The following ARHGEF12 variants were observed in gnomAD, a reference collection of about 807,000 sequenced individuals.
ARHGEF12 encodes the protein Rho guanine nucleotide exchange factor 12.
Under a neutral mutation model 211.2 loss-of-function variants are expected in ARHGEF12, and 66 were observed. The observed-to-expected ratio is 0.31, with a 90% CI of 0.26 to 0.38. The LOEUF is 0.38. Among genes scored for constraint, ARHGEF12 ranks in the 10% least tolerant of loss-of-function variants. The pLI is 1.00. For missense variants in ARHGEF12, 1,429 were observed against 1,869.5 expected (o/e 0.76, Z 4.34); for synonymous variants, 592 against 638.4 (o/e 0.93, Z 1.09).
intron 33 of ARHGEF12, 133 bp from the exon 34 acceptor site, chr11:120,476,528 C>G (rs575066875): frequency 7.5e-5 from 37 of 496,082 alleles, no homozygotes; most frequent in African/African-American, 4.8e-4. Flanking sequence ...AAGTGTACAT[C>G]TTGATGAATT....
chr11:120,421,435 TTTTTTTG>T (rs1490740116), intron 5 of ARHGEF12, among the ~76,000 whole-genome samples: 3 of 101,594 alleles, frequency 3.0e-5, no homozygotes, highest in South Asian at 3.6e-4. Flanking sequence ...CCTTGTTTTT[TTTTTTTG>T]TTTTTTTTTT....
intron 12 of ARHGEF12, chr11:120,438,776 C>T (rs1022631651): frequency 6.6e-6 from 1 of 152,128 alleles, no homozygotes; most frequent in African/African-American, 2.4e-5. Context: ...TTTTTATTCC[C>T]CAATCCTATA....
At chr11:120,337,306 CCCGGAATCGGG>C (rs1942380186) in intron 1 of ARHGEF12, 31 bp downstream of exon 1, 1 of 1,613,562 alleles carries the variant, frequency 6.2e-7, no homozygotes, top group African/African-American at 1.3e-5. Flanking sequence ...CGTTCGGCCT[CCCGGAATCGGG>C]CCCGACCTAG....
At chr11:120,367,069 G>A (rs1943443890) in intron 1 of ARHGEF12, among the ~76,000 whole-genome samples, 1 of 152,034 alleles carries the variant, frequency 6.6e-6, no homozygotes, top group Non-Finnish European at 1.5e-5. Flanking sequence ...GAAGGGTTGA[G>A]TAGTTTTAAG....
intron 10 of ARHGEF12, among the ~76,000 whole-genome samples, chr11:120,430,091 A>G (rs1945480127): frequency 6.6e-6 from 1 of 152,038 alleles, no homozygotes; most frequent in African/African-American, 2.4e-5. Flanking sequence ...TTGATGTGAC[A>G]AACTACTAAA....
intron 1 of ARHGEF12, among the ~76,000 whole-genome samples, chr11:120,401,582 C>T (rs767954172): frequency 6.6e-6 from 1 of 152,196 alleles, no homozygotes; most frequent in Non-Finnish European, 1.5e-5. Context: ...ATGCCTTAAT[C>T]ACCTTTGATA....
chr11:120,337,297 G>A, intron 1 of ARHGEF12, 22 bp downstream of exon 1: 1 of 1,609,882 alleles, frequency 6.2e-7, no homozygotes, highest in Non-Finnish European at 8.5e-7. Context: ...TTCCTCCTTC[G>A]TTCGGCCTCC....
chr11:120,386,148 A>T (rs750857893), intron 1 of ARHGEF12, among the ~76,000 whole-genome samples: 28 of 152,174 alleles, frequency 1.8e-4, no homozygotes, highest in Non-Finnish European at 3.7e-4. Context: ...AATGTTGATT[A>T]TAAATTTGAA....
chr11:120,340,670 C>T (rs1292824323), intron 1 of ARHGEF12, among the ~76,000 whole-genome samples: 1 of 152,056 alleles, frequency 6.6e-6, no homozygotes, highest in Non-Finnish European at 1.5e-5. Context: ...CATCTCTCGG[C>T]AAGGTGAAAT....
At position 120,337,719 on chromosome 11, in the gene ARHGEF12, C is replaced by A. The variant is rs189964834; in HGVS notation, c.32+444C>A. On this transcript the variant is annotated intron_variant, in intron 1 of 40. Transcript: ENST00000397843. ...TTCTACCTGTGAACTTAATGTTGAG[C>A]CTACTGCATGGTGATCTGGGAACTT... The A allele has an allele frequency of 9.6e-5, 95 of 985,382 alleles. 1 individual carries two copies. The highest frequency in any genetic ancestry group is 1.2e-4 in the Admixed American group (2 of 16,284). 61.0% of individuals were successfully genotyped at this position (985,382 alleles called of 1,614,324 possible).
At chr11:120,441,970 C>T in intron 14 of ARHGEF12, 134 bp from the exon 15 acceptor site, 1 of 881,644 alleles carries the variant, frequency 1.1e-6, no homozygotes, top group Admixed American at 2.6e-5. Context: ...TTTTTAAAGA[C>T]TTGGTTATAT....
At chr11:120,351,043 A>G (rs1478109207) in intron 1 of ARHGEF12, among the ~76,000 whole-genome samples, 1 of 152,046 alleles carries the variant, frequency 6.6e-6, no homozygotes, top group East Asian at 1.9e-4. Flanking sequence ...GGTGACAAAG[A>G]GCATTTTTAA....
At chr11:120,475,898 C>G (rs1947014392) in intron 33 of ARHGEF12, 2 of 158,466 alleles carry the variant, frequency 1.3e-5, no homozygotes, top group African/African-American at 4.8e-5. Flanking sequence ...TATATTTTAA[C>G]TCTATTAACA....
At chr11:120,482,010 C>G (rs867407957) in intron 39 of ARHGEF12, among the ~76,000 whole-genome samples, 1 of 152,114 alleles carries the variant, frequency 6.6e-6, no homozygotes, top group Admixed American at 6.5e-5. Context: ...CCGCCTGCCT[C>G]GGCCTCCCAA....
rs751672880 is a variant in ARHGEF12, at chr11:120,445,391, T to C, written c.1303-31T>C. 24 of 1,612,584 alleles carry C rather than the reference T, an allele frequency of 1.5e-5. No individual in the cohort carries two copies. The South Asian group carries it at 2.3e-4, about 15-fold the overall frequency. On this transcript the variant is annotated intron_variant, in intron 15 of 40. Coordinates refer to ENST00000397843, the MANE Select transcript of ARHGEF12 (RefSeq NM_015313.3). ...GTACATCTTCAAATATCTTTAGCGT[T>C]GTTACACCTTTTGTTTGCATTTCAT...
At chr11:120,442,326 C>T in intron 15 of ARHGEF12, 124 bp downstream of exon 15, 1 of 569,898 alleles carries the variant, frequency 1.8e-6, no homozygotes, top group Non-Finnish European at 2.8e-6. Flanking sequence ...TATTATATTT[C>T]AATTATTGAT....
intron 27 of ARHGEF12, among the ~76,000 whole-genome samples, chr11:120,462,300 C>T (rs1013088087): frequency 6.6e-6 from 1 of 152,028 alleles, no homozygotes; most frequent in East Asian, 1.9e-4. Flanking sequence ...GTTGGTGGGG[C>T]GGTCAGAACA....
At chr11:120,469,989 G>A (rs1487627485) in intron 30 of ARHGEF12, among the ~76,000 whole-genome samples, 2 of 152,118 alleles carry the variant, frequency 1.3e-5, no homozygotes, top group African/African-American at 2.4e-5. Flanking sequence ...AAGTCCTGAC[G>A]GAAAAAGAAA....
At chr11:120,355,873 G>C (rs1166717599) in intron 1 of ARHGEF12, among the ~76,000 whole-genome samples, 1 of 152,006 alleles carries the variant, frequency 6.6e-6, no homozygotes, top group African/African-American at 2.4e-5. Flanking sequence ...TGTGTTACAG[G>C]GAATATCCAG....
Sources: gnomAD v4.1 joint callset for allele counts (sites outside exome capture counted in the v4.1 genomes callset) on GRCh38, gnomAD v4.1.1 for gene constraint, MANE v1.5 for transcripts, NCBI Gene and HGNC (gene_info 2026-07-23, HGNC 2026-07-21) for gene names.